RBFOX1: variants seen among roughly 807,000 people sequenced by gnomAD.
RBFOX1 encodes RNA binding protein fox-1 homolog 1.
In RBFOX1, 8 loss-of-function variants were observed where a neutral mutation model predicts 57.7. That is an observed-to-expected ratio of 0.14 (90% CI 0.08 to 0.25). The LOEUF is 0.25. Ranked by LOEUF, RBFOX1 falls within the 10% of genes least tolerant of loss-of-function variation. The pLI, the probability that RBFOX1 is intolerant of heterozygous loss-of-function variation, is 1.00. For missense variants in RBFOX1, 611 were observed against 548.5 expected (o/e 1.11, Z -1.14); for synonymous variants, 326 against 222.4 (o/e 1.47, Z -4.15).
chr16:5,863,585 A>G (rs1314915238), intron 3 of RBFOX1, among the ~76,000 whole-genome samples: 1 of 152,162 alleles, frequency 6.6e-6, no homozygotes, highest in Non-Finnish European at 1.5e-5. Flanking sequence ...CCTGCCTTAG[A>G]AGGGAGTCTC....
chr16:5,432,519 T>G (rs1054118944), intron 1 of RBFOX1, among the ~76,000 whole-genome samples: 4 of 151,476 alleles, frequency 2.6e-5, no homozygotes, highest in African/African-American at 9.7e-5. Flanking sequence ...ATTTATCGTC[T>G]TACCTTACAA....
intron 1 of RBFOX1, among the ~76,000 whole-genome samples, chr16:6,100,162 TTTG>T (rs1301544682): frequency 1.3e-5 from 2 of 152,032 alleles, no homozygotes; most frequent in African/African-American, 2.4e-5. Flanking sequence ...GTTGTTTTTT[TTTG>T]TTGTTGTTGT....
intron 2 of RBFOX1, among the ~76,000 whole-genome samples, chr16:5,530,711 C>T (rs1313068589): frequency 1.3e-5 from 2 of 152,072 alleles, no homozygotes; most frequent in Admixed American, 6.6e-5. Context: ...CTACCAAAAA[C>T]ATCTCTAAAC....
chr16:7,120,166 A>G (rs2066794083), intron 4 of RBFOX1, among the ~76,000 whole-genome samples: 1 of 152,104 alleles, frequency 6.6e-6, no homozygotes, highest in Non-Finnish European at 1.5e-5. Context: ...TTTACAAAAT[A>G]TATGGTGGGA....
rs118028235 is a variant in RBFOX1 at position 7,417,494 on chromosome 16, C to T, written c.28-100653C>T. ...GAAACTGACCTTGATCCAATGCATCCGCCTTATTCGGATTTCACCAGCTTC... is the reference window on the plus strand; with the variant it reads ...GAAACTGACCTTGATCCAATGCATCTGCCTTATTCGGATTTCACCAGCTTC... On this transcript the variant is annotated intron_variant, in intron 4 of 15. Coordinates refer to ENST00000550418, the MANE Select transcript of RBFOX1 (RefSeq NM_018723.4). Among the ~76,000 whole-genome samples the T allele has an allele frequency of 4.3e-4, 65 of 151,292 alleles. 1 individual carries two copies. In the East Asian group the frequency reaches 6.3e-3, roughly 15 times the overall value.
At chr16:5,359,362 C>T (rs1446340537) in intron 1 of RBFOX1, among the ~76,000 whole-genome samples, 1 of 152,184 alleles carries the variant, frequency 6.6e-6, no homozygotes, top group Admixed American at 6.5e-5. Flanking sequence ...TATGGTAGCT[C>T]CACTTTTAGT....
intron 1 of RBFOX1, among the ~76,000 whole-genome samples, chr16:6,254,439 C>G (rs12448139): frequency 2.0e-5 from 3 of 151,972 alleles, no homozygotes; most frequent in Non-Finnish European, 4.4e-5. Context: ...GAAATTAAAT[C>G]TTTTATTTTC....
At chr16:6,791,092 G>C (rs1350602792) in intron 3 of RBFOX1, among the ~76,000 whole-genome samples, 1 of 151,788 alleles carries the variant, frequency 6.6e-6, no homozygotes, top group Non-Finnish European at 1.5e-5. Context: ...TTTTTTGTAG[G>C]GATGGGGTTT....
chr16:5,627,674 A>G (rs573709911), intron 3 of RBFOX1, among the ~76,000 whole-genome samples: 72 of 152,348 alleles, frequency 4.7e-4, no homozygotes, highest in African/African-American at 1.6e-3. Context: ...CACAGATTCA[A>G]CCAACTGAAG....
At chr16:7,589,109 T>A (rs928673871) in intron 7 of RBFOX1, among the ~76,000 whole-genome samples, 2 of 152,210 alleles carry the variant, frequency 1.3e-5, no homozygotes, top group African/African-American at 4.8e-5. Context: ...GAGAGAAAAA[T>A]GTGCCCAGCC....
At chr16:7,265,573 C>T (rs1279226753) in intron 4 of RBFOX1, among the ~76,000 whole-genome samples, 2 of 151,942 alleles carry the variant, frequency 1.3e-5, no homozygotes, top group South Asian at 2.1e-4. Context: ...CTCAGCCTCC[C>T]GAGTAGCTAG....
At chr16:5,240,544 G>A (rs2151055424) in intron 1 of RBFOX1, among the ~76,000 whole-genome samples, 1 of 152,324 alleles carries the variant, frequency 6.6e-6, no homozygotes, top group African/African-American at 2.4e-5. Context: ...CTGCTCTGCT[G>A]GGCTGCGGGC....
chr16:5,433,867 A>G (rs1246361460), intron 1 of RBFOX1, among the ~76,000 whole-genome samples: 1 of 152,166 alleles, frequency 6.6e-6, no homozygotes, highest in Non-Finnish European at 1.5e-5. Flanking sequence ...GGATGGATGG[A>G]AAACGTAGGA....
chr16:6,585,607 G>A (rs969888808), intron 2 of RBFOX1, among the ~76,000 whole-genome samples: 1 of 152,098 alleles, frequency 6.6e-6, no homozygotes, highest in Admixed American at 6.5e-5. Context: ...TCTTGTGATA[G>A]TGCTGTGTTG....
intron 3 of RBFOX1, among the ~76,000 whole-genome samples, chr16:5,798,190 A>G (rs532047121): frequency 7.9e-5 from 12 of 152,342 alleles, no homozygotes; most frequent in Admixed American, 2.6e-4. Flanking sequence ...TGGAAATGAT[A>G]TGTGTAAAAA....
chr16:7,230,438 C>G (rs2093432237), intron 4 of RBFOX1, among the ~76,000 whole-genome samples: 1 of 152,118 alleles, frequency 6.6e-6, no homozygotes, highest in Non-Finnish European at 1.5e-5. Context: ...CTAAATCCCA[C>G]AGATTTTGAG....
chr16:6,779,001 G>T (rs1326681160), intron 3 of RBFOX1, among the ~76,000 whole-genome samples: 1 of 151,712 alleles, frequency 6.6e-6, no homozygotes, highest in Non-Finnish European at 1.5e-5. Flanking sequence ...TTATCATTTT[G>T]TTGTTTTGCA....
At position 7,007,298 on chromosome 16, in the gene RBFOX1, A is replaced by G. The variant is rs376479156; in HGVS notation, c.-15-44759A>G. Among the ~76,000 whole-genome samples, 45 of 152,280 alleles carry G rather than the reference A, an allele frequency of 3.0e-4. 1 individual carries two copies. The highest frequency in any genetic ancestry group is 9.9e-4 in the African/African-American group (41 of 41,560). On this transcript the variant is annotated intron_variant, in intron 3 of 15. Transcript: ENST00000550418. ...GGACTCTTCCAACTCATAGTCAGCA[A>G]TGGTACGAATGCATCTCATCCTTGA...
At chr16:6,478,413 A>AT (rs2095311783) in intron 2 of RBFOX1, among the ~76,000 whole-genome samples, 1 of 21,924 alleles carries the variant, frequency 4.6e-5, no homozygotes, top group African/African-American at 2.6e-4. Context: ...ATATATATAT[A>AT]TATATATATA....
Sources: allele counts gnomAD v4.1 joint callset (sites outside exome capture counted in the v4.1 genomes callset), GRCh38; gene constraint gnomAD v4.1.1; transcripts MANE v1.5; gene names NCBI Gene and HGNC (gene_info 2026-07-23, HGNC 2026-07-21).